PRDM1: variants seen among roughly 807,000 people sequenced by gnomAD.
PRDM1 encodes PR domain zinc finger protein 1.
A neutral mutation model predicts 62.8 loss-of-function variants in PRDM1; 13 were observed. That is an observed-to-expected ratio of 0.21 (90% CI 0.13 to 0.33). The LOEUF is 0.33. Ranked by LOEUF, PRDM1 falls within the 10% of genes least tolerant of loss-of-function variation. PRDM1 has a pLI of 1.00. For missense variants in PRDM1, 895 were observed against 1,058.8 expected (o/e 0.85, Z 2.15); for synonymous variants, 396 against 417.6 (o/e 0.95, Z 0.63).
chr6:106,034,793 G>A (rs1417509436), intron 1 of PRDM1, among the ~76,000 whole-genome samples: 3 of 151,792 alleles, frequency 2.0e-5, no homozygotes, highest in Non-Finnish European at 4.4e-5. Context: ...CACCACGCAT[G>A]GCTAGTTTTT....
chr6:106,030,994 CTCT>C lies in PRDM1; in HGVS notation c.-67+37357_-67+37359del, dbSNP rs1772836300. Among the ~76,000 whole-genome samples the C allele has an allele frequency of 5.2e-5, 3 of 57,270 alleles. No individual in the cohort carries two copies. In the South Asian group the frequency reaches 2.4e-3, roughly 47 times the overall value. The allele number at this position is 57,270 out of a possible 152,430, so 37.6% of individuals were successfully genotyped here. A position where few individuals can be genotyped will look rare whatever the true frequency, so the allele number is the denominator to read the frequency against. ...TGGAGTCTCCTGTCATTTGTATTCT[CTCT>C]TTTTTTTTTTTTTTCTGATTTTTTT... On this transcript the variant is annotated intron_variant, in intron 1 of 6. Coordinates refer to the PRDM1 transcript ENST00000652320.
Position 106,086,503 on chromosome 6 carries a change from G to A in PRDM1, c.-51G>A, listed in dbSNP as rs1398170626. The A allele has an allele frequency of 1.2e-5, 18 of 1,525,930 alleles. No individual in the cohort carries two copies. Among genetic ancestry groups the A allele is most frequent in the Non-Finnish European group, 1.6e-5 (18 of 1,126,282 alleles). 94.5% of individuals were successfully genotyped at this position (1,525,930 alleles called of 1,614,324 possible). The stretch of plus-strand genomic sequence containing the variant: ...GCGTCTGTGCGGCTCAGCCTGGCGG[G>A]GGACGCGGGGAGAATGTGGACTGGG... On this transcript the variant is annotated 5_prime_UTR_variant, in exon 1 of 7. Coordinates refer to ENST00000369096, the MANE Select transcript of PRDM1 (RefSeq NM_001198.4).
chr6:106,021,977 C>A (rs1215164708), intron 1 of PRDM1, among the ~76,000 whole-genome samples: 3 of 152,192 alleles, frequency 2.0e-5, no homozygotes, highest in Non-Finnish European at 4.4e-5. Flanking sequence ...ACAAAGTAGA[C>A]TGATGACAGA....
intron 1 of PRDM1, among the ~76,000 whole-genome samples, chr6:106,031,939 C>T (rs1772849843): frequency 6.6e-6 from 1 of 152,042 alleles, no homozygotes; most frequent in Non-Finnish European, 1.5e-5. Flanking sequence ...ATAGCTGTCT[C>T]CTTTAATAGG....
intron 1 of PRDM1, among the ~76,000 whole-genome samples, chr6:106,087,345 T>G (rs1474634839): frequency 2.0e-5 from 3 of 152,234 alleles, no homozygotes; most frequent in Admixed American, 6.5e-5. Flanking sequence ...TCATACACTT[T>G]CAGATTTAAA....
chr6:106,055,416 C>T (rs1054660759), intron 1 of PRDM1, among the ~76,000 whole-genome samples: 4 of 152,056 alleles, frequency 2.6e-5, no homozygotes, highest in Non-Finnish European at 5.9e-5. Context: ...TGATTAGTAG[C>T]CTGGTTCACT....
At chr6:106,055,733 A>G (rs1773254784) in intron 1 of PRDM1, among the ~76,000 whole-genome samples, 1 of 152,340 alleles carries the variant, frequency 6.6e-6, no homozygotes, top group African/African-American at 2.4e-5. Flanking sequence ...TGCCGTTGAA[A>G]AAAGCTAGTT....
chr6:106,043,467 A>T (rs9486268), intron 1 of PRDM1, among the ~76,000 whole-genome samples: 71 of 152,314 alleles, frequency 4.7e-4, no homozygotes, highest in African/African-American at 1.7e-3. Flanking sequence ...TCATGTTCTC[A>T]TAAGACATAG....
At position 106,109,127 on chromosome 6, in the gene PRDM1, T is replaced by C. The variant is rs552599200; in HGVS notation, c.*1641T>C. The C allele has an allele frequency of 4.7e-6, 1 of 212,240 alleles. No individual in the cohort carries two copies. The highest frequency in any genetic ancestry group is 1.9e-4 in the South Asian group (1 of 5,202). 13.1% of individuals were successfully genotyped at this position (212,240 alleles called of 1,614,324 possible). A position where few individuals can be genotyped will look rare whatever the true frequency, so the allele number is the denominator to read the frequency against. On this transcript the variant is annotated 3_prime_UTR_variant, in exon 7 of 7. Coordinates refer to ENST00000369096, the MANE Select transcript of PRDM1 (RefSeq NM_001198.4). ...AAAAAAAAAAAAGAACACTCCTTTC[T>C]GAGACTTTGCTTAATACTTGGTGAC...
chr6:106,055,522 G>C (rs927274144), intron 1 of PRDM1, among the ~76,000 whole-genome samples: 3 of 152,090 alleles, frequency 2.0e-5, no homozygotes, highest in Admixed American at 2.0e-4. Context: ...TGAATCCTTA[G>C]AGGAAAAAAG....
At chr6:106,011,416 T>C (rs1371644090) in intron 1 of PRDM1, among the ~76,000 whole-genome samples, 1 of 152,182 alleles carries the variant, frequency 6.6e-6, no homozygotes. Flanking sequence ...TCAGTCTGTC[T>C]CCAGCCTGGG....
chr6:106,016,235 G>A (rs747028707), intron 1 of PRDM1, among the ~76,000 whole-genome samples: 1 of 152,156 alleles, frequency 6.6e-6, no homozygotes, highest in Non-Finnish European at 1.5e-5. Flanking sequence ...TTTGTTGATA[G>A]ACATTGGGCT....
chr6:106,029,069 C>A lies in PRDM1; in HGVS notation c.-67+35430C>A, dbSNP rs561079471. Reference sequence around the variant, plus strand: ...CCGAGTAGCTGGGACTACAGGCGCACGCCACCATGCCCAGCTAATTTTTGT... The same window carrying A: ...CCGAGTAGCTGGGACTACAGGCGCAAGCCACCATGCCCAGCTAATTTTTGT... On this transcript the variant is annotated intron_variant, in intron 1 of 6. Coordinates refer to the PRDM1 transcript ENST00000652320. 3.1e-4 allele frequency among the ~76,000 whole-genome samples: 47 copies of A among 152,032 alleles called. 2 individuals are homozygous for A. The South Asian group carries it at 9.8e-3, about 32-fold the overall frequency.
chr6:106,020,309 A>AT (rs979106977), intron 1 of PRDM1, among the ~76,000 whole-genome samples: 8 of 150,414 alleles, frequency 5.3e-5, no homozygotes, highest in African/African-American at 2.0e-4. Flanking sequence ...ACCTTTTTTT[A>AT]TTTTTTTTGA....
chr6:106,078,708 T>C (rs940462706), intron 1 of PRDM1, among the ~76,000 whole-genome samples: 1 of 151,808 alleles, frequency 6.6e-6, no homozygotes, highest in African/African-American at 2.4e-5. Context: ...CCTGTCTCTA[T>C]CAAAAAATAC....
intron 1 of PRDM1, among the ~76,000 whole-genome samples, chr6:106,008,333 A>G (rs1409918076): frequency 6.6e-6 from 1 of 152,194 alleles, no homozygotes; most frequent in African/African-American, 2.4e-5. Flanking sequence ...AGATCGTGCC[A>G]CTGTACTCCA....
At chr6:106,049,540 G>C (rs1167012442) in intron 1 of PRDM1, among the ~76,000 whole-genome samples, 1 of 152,134 alleles carries the variant, frequency 6.6e-6, no homozygotes, top group African/African-American at 2.4e-5. Context: ...GTGGCTGCTG[G>C]GATGCCATCC....
At chr6:106,097,775 A>G (rs1168307142) in intron 3 of PRDM1, among the ~76,000 whole-genome samples, 2 of 152,202 alleles carry the variant, frequency 1.3e-5, no homozygotes, top group Non-Finnish European at 2.9e-5. Flanking sequence ...AGCTTTAGAA[A>G]GCAGTTTCCG....
In PRDM1 at chr6:106,086,543, A is replaced by G; in HGVS notation, c.-11A>G. 6.4e-7 allele frequency: 1 copy of G among 1,551,258 alleles called. No individual in the cohort carries two copies. The highest frequency in any genetic ancestry group is 8.7e-7 in the Non-Finnish European group (1 of 1,146,596). ...TGTGGACTGGGTAGAGATGAACGAGACTTTTCTCAGATGTTGGATATTTGC... is the reference window on the plus strand; with the variant it reads ...TGTGGACTGGGTAGAGATGAACGAGGCTTTTCTCAGATGTTGGATATTTGC... On this transcript the variant is annotated 5_prime_UTR_variant, in exon 1 of 7. Coordinates refer to ENST00000369096, the MANE Select transcript of PRDM1 (RefSeq NM_001198.4).
Sources: allele counts gnomAD v4.1 joint callset (sites outside exome capture counted in the v4.1 genomes callset), GRCh38; gene constraint gnomAD v4.1.1; transcripts MANE v1.5; gene names NCBI Gene and HGNC (gene_info 2026-07-23, HGNC 2026-07-21).